Variants in TRPM1 observed in about 807,000 individuals in gnomAD.
TRPM1 encodes the protein TRPM1-203 APA Isoform, Intron 10.
A neutral mutation model predicts 149.4 loss-of-function variants in TRPM1; 113 were observed. The ratio of observed to expected loss-of-function variants is 0.76; its 90% CI spans 0.65 to 0.88. The LOEUF is 0.88. Ranked by LOEUF, TRPM1 falls within the 40% of genes least tolerant of loss-of-function variation. The pLI, the probability that TRPM1 is intolerant of heterozygous loss-of-function variation, is 0.00. For missense variants in TRPM1, 1,976 were observed against 2,038.7 expected, an observed-to-expected ratio of 0.97 and a Z score of 0.59; for synonymous variants, 741 against 759.5, an observed-to-expected ratio of 0.98 and a Z score of 0.40.
At chr15:31,124,220 G>A (rs1596087008) in intron 1 of TRPM1, among the ~76,000 whole-genome samples, 1 of 151,942 alleles carries the variant, frequency 6.6e-6, no homozygotes, top group East Asian at 1.9e-4. Flanking sequence ...GGAAGGCAGA[G>A]GTTGCAGTGA....
intron 2 of TRPM1, among the ~76,000 whole-genome samples, chr15:31,079,122 G>T (rs996439006): frequency 6.6e-6 from 1 of 152,054 alleles, no homozygotes; most frequent in African/African-American, 2.4e-5. Flanking sequence ...ATAGAGACAG[G>T]TATAAAAACA....
intron 22 of TRPM1, 181 bp from the exon 23 acceptor site, chr15:31,031,338 T>A: frequency 1.5e-6 from 1 of 651,404 alleles, no homozygotes; most frequent in Non-Finnish European, 2.7e-6. Flanking sequence ...TGCAATGCTT[T>A]ATGCCTAGAA....
intron 27 of TRPM1, among the ~76,000 whole-genome samples, chr15:31,019,465 T>C (rs2032481008): frequency 6.6e-6 from 1 of 152,194 alleles, no homozygotes; most frequent in African/African-American, 2.4e-5. Flanking sequence ...TCAGTGGCAC[T>C]ATCTCGGCTC....
At chr15:31,082,178 C>A (rs2140985213) in intron 1 of TRPM1, among the ~76,000 whole-genome samples, 1 of 152,326 alleles carries the variant, frequency 6.6e-6, no homozygotes, top group South Asian at 2.1e-4. Context: ...CCCTTCATAA[C>A]CTCCCCACCC....
At chr15:31,100,911 G>A (rs185185548) in intron 1 of TRPM1, among the ~76,000 whole-genome samples, 8 of 152,134 alleles carry the variant, frequency 5.3e-5, no homozygotes, top group Admixed American at 2.6e-4. Context: ...TTCAGGATTC[G>A]CTCCTCAGGA....
At chr15:31,106,512 C>T (rs868397246), upstream of TRPM1, among the ~76,000 whole-genome samples, 2 of 152,206 alleles carry the variant, frequency 1.3e-5, no homozygotes, top group South Asian at 4.1e-4. Flanking sequence ...TATTGTTTCT[C>T]TCCGCCTCTT....
In TRPM1 at chr15:31,067,254, T is replaced by G. The variant is rs3784599; in HGVS notation, c.494-67A>C. ...CCAGCACACCATCATTCATGAAATT[T>G]AGGGACACTTGCCCTGAGTCCCTAC... On this transcript the variant is annotated intron_variant, in intron 5 of 27. Coordinates refer to ENST00000256552, the MANE Select transcript of TRPM1 (RefSeq NM_001252024.2). 0.5 allele frequency: 812,024 copies of G among 1,612,290 alleles called. 209,634 individuals are homozygous for G. Among genetic ancestry groups the G allele is most frequent in the East Asian group, 0.84 (37,467 of 44,844 alleles).
chr15:31,043,383 G>A (rs977801769), intron 16 of TRPM1, among the ~76,000 whole-genome samples: 1 of 151,950 alleles, frequency 6.6e-6, no homozygotes, highest in African/African-American at 2.4e-5. Context: ...TAGTAGAGAC[G>A]GGGTTTCACC....
chr15:31,119,180 G>C (rs2035842876), intron 1 of TRPM1, among the ~76,000 whole-genome samples: 1 of 152,124 alleles, frequency 6.6e-6, no homozygotes, highest in Non-Finnish European at 1.5e-5. Context: ...GGCAGAGGTT[G>C]TGGTGAGCCA....
In TRPM1 at chr15:31,158,626, CAAA is replaced by C. The variant is rs749062439; in HGVS notation, c.54+2277_54+2279del. 5.5e-4 allele frequency among the ~76,000 whole-genome samples: 33 copies of C among 59,788 alleles called. No homozygotes were observed. The South Asian group carries it at 7.7e-3, about 14-fold the overall frequency. The allele number at this position is 59,788 out of a possible 152,430, so 39.2% of individuals were successfully genotyped here. A position where few individuals can be genotyped will look rare whatever the true frequency, so the allele number is the denominator to read the frequency against. ...TGGGCGACAGAGTGAGACTCCATCT[CAAA>C]AAAAAAAAAAAAAAAAAGAGTAAAG... On this transcript the variant is annotated intron_variant, in intron 1 of 26. Transcript: ENST00000542188.
At chr15:31,020,768 T>C (rs960366370) in intron 27 of TRPM1, among the ~76,000 whole-genome samples, 4 of 152,178 alleles carry the variant, frequency 2.6e-5, no homozygotes, top group Admixed American at 2.6e-4. Flanking sequence ...GGACGGCTCA[T>C]TTGGTTGGAG....
At chr15:31,142,241 G>A (rs1327104631) in intron 1 of TRPM1, among the ~76,000 whole-genome samples, 1 of 151,994 alleles carries the variant, frequency 6.6e-6, no homozygotes, top group Non-Finnish European at 1.5e-5. Flanking sequence ...TTTTACAATG[G>A]GGAAGACATT....
chr15:31,032,668 C>A (rs760411362), intron 22 of TRPM1, 21 bp downstream of exon 22: 1 of 1,614,144 alleles, frequency 6.2e-7, no homozygotes, highest in Non-Finnish European at 8.5e-7. Flanking sequence ...CTCTGGATAC[C>A]CACAGGATGC....
intron 1 of TRPM1, among the ~76,000 whole-genome samples, chr15:31,129,271 A>G (rs938541403): frequency 6.6e-6 from 1 of 152,214 alleles, no homozygotes; most frequent in Non-Finnish European, 1.5e-5. Flanking sequence ...TCAAGTACTG[A>G]TGGTGCCAGT....
At chr15:31,160,816 G>A in intron 1 of TRPM1, 1 of 1,419,752 alleles carries the variant, frequency 7.0e-7, no homozygotes, top group Non-Finnish European at 9.6e-7. Context: ...GGACCCGCTG[G>A]GCCAGCACTC....
chr15:31,061,602 C>CA, intron 9 of TRPM1, 88 bp from the exon 10 acceptor site: 1 of 1,078,956 alleles, frequency 9.3e-7, no homozygotes, highest in Non-Finnish European at 1.4e-6. Flanking sequence ...CAGAGACTGA[C>CA]ACGTAATAAA....
intron 1 of TRPM1, among the ~76,000 whole-genome samples, chr15:31,112,410 G>A (rs2035702370): frequency 6.6e-6 from 1 of 152,198 alleles, no homozygotes; most frequent in African/African-American, 2.4e-5. Context: ...CCTGGGAGGT[G>A]GAGGTTGTGG....
chr15:31,082,808 G>A (rs576823513), intron 1 of TRPM1, among the ~76,000 whole-genome samples: 1 of 152,204 alleles, frequency 6.6e-6, no homozygotes, highest in African/African-American at 2.4e-5. Flanking sequence ...GGGCATTTAC[G>A]TAGTTTTAGA....
rs2033918774 is a variant in TRPM1 at position 31,050,535 on chromosome 15, CT to C, written c.1310del (p.Lys437ArgfsTer25). 6.2e-7 allele frequency: 1 copy of C among 1,613,996 alleles called. No individual in the cohort carries two copies. On this transcript the variant is annotated frameshift_variant, in exon 12 of 28. Transcript: ENST00000256552. LOFTEE classifies it high-confidence loss of function. ...APPTDSKATE[K>X]EKKPPMATTK... Reference sequence around the variant, plus strand: ...TGGTGGCCATGGGTGGCTTCTTCTCCTTCTCCGTGGCTTTGCTGTCCGTCGG... The same window carrying C: ...TGGTGGCCATGGGTGGCTTCTTCTCCTCTCCGTGGCTTTGCTGTCCGTCGG...
Sources: allele counts gnomAD v4.1 joint callset (sites outside exome capture counted in the v4.1 genomes callset), GRCh38; gene constraint gnomAD v4.1.1; transcripts MANE v1.5; gene names NCBI Gene and HGNC (gene_info 2026-07-23, HGNC 2026-07-21).